SLIT3: variants seen among roughly 807,000 people sequenced by gnomAD.
SLIT3 encodes the protein slit guidance ligand 3, also known as slit homolog 3 protein.
SLIT3 carries 68 observed loss-of-function variants against 184.0 expected under a neutral mutation model. That is an observed-to-expected ratio of 0.37 (90% confidence interval 0.30 to 0.45). The LOEUF (loss-of-function observed/expected upper bound fraction) is 0.45, where lower values mean the gene tolerates loss of function less well. Ranked by LOEUF, SLIT3 falls within the 20% of genes least tolerant of loss-of-function variation. The probability of loss-of-function intolerance (pLI) is 1.00; values close to 1 mark genes in which losing one functional copy is unlikely to be tolerated. For missense variants in SLIT3, 1,707 were observed against 2,026.0 expected (o/e 0.84, Z 3.02); for synonymous variants, 831 against 828.6 (o/e 1.00, Z -0.05).
chr5:168,789,765 A>G, intron 10 of SLIT3, 134 bp from the exon 11 acceptor site: 2 of 681,850 alleles, frequency 2.9e-6, no homozygotes, highest in Non-Finnish European at 5.2e-6. Context: ...TCATTTACTC[A>G]TAGTGCAAGA....
intron 1 of SLIT3, among the ~76,000 whole-genome samples, chr5:169,272,713 G>T (rs1387527615): frequency 6.6e-6 from 1 of 152,182 alleles, no homozygotes; most frequent in Non-Finnish European, 1.5e-5. Flanking sequence ...GATCCTGCAG[G>T]TCTACTGAAG....
At chr5:168,996,038 G>A (rs1328963961) in intron 4 of SLIT3, among the ~76,000 whole-genome samples, 1 of 152,184 alleles carries the variant, frequency 6.6e-6, no homozygotes, top group East Asian at 1.9e-4. Flanking sequence ...CTGACACTGA[G>A]ATCAATGATA....
At chr5:168,941,604 G>C (rs1285210851) in intron 4 of SLIT3, among the ~76,000 whole-genome samples, 3 of 152,270 alleles carry the variant, frequency 2.0e-5, no homozygotes, top group South Asian at 2.1e-4. Context: ...TTCCCAAGTG[G>C]AGAAATGGAA....
At chr5:168,675,906 C>A (rs1257313317) in intron 32 of SLIT3, among the ~76,000 whole-genome samples, 1 of 152,178 alleles carries the variant, frequency 6.6e-6, no homozygotes, top group African/African-American at 2.4e-5. Flanking sequence ...TCTCCTCCCA[C>A]TCATTCATCC....
intron 27 of SLIT3, among the ~76,000 whole-genome samples, chr5:168,697,640 AG>A (rs1302332234): frequency 6.6e-6 from 1 of 152,212 alleles, no homozygotes; most frequent in Non-Finnish European, 1.5e-5. Flanking sequence ...AGTGAATTTC[AG>A]TGGTCCTAGA....
chr5:168,943,133 G>T (rs530432538), intron 4 of SLIT3, among the ~76,000 whole-genome samples: 1 of 152,222 alleles, frequency 6.6e-6, no homozygotes, highest in Admixed American at 6.5e-5. Context: ...CATGTCCCAG[G>T]ATCCTAAAAG....
rs1012314720 is a variant in SLIT3 at position 168,785,845 on chromosome 5, T to C, written c.1151+62A>G. 3.2e-6 allele frequency: 4 copies of C among 1,247,498 alleles called. No individual in the cohort carries two copies. In the African/African-American group the frequency reaches 4.4e-5, roughly 14 times the overall value. 77.3% of individuals were successfully genotyped at this position (1,247,498 alleles called of 1,614,324 possible). ...GAACTCTCCAGAGCATGGCTCAACG[T>C]TTTCAGGTGGGAGCCTTCCGACAGT... On this transcript the variant is annotated intron_variant, in intron 12 of 35. Coordinates refer to ENST00000519560, the MANE Select transcript of SLIT3 (RefSeq NM_003062.4).
chr5:169,199,483 T>C (rs1377201552), intron 3 of SLIT3, among the ~76,000 whole-genome samples: 1 of 152,204 alleles, frequency 6.6e-6, no homozygotes, highest in Non-Finnish European at 1.5e-5. Context: ...TCAGGATTTC[T>C]GCAATGCTGA....
intron 3 of SLIT3, among the ~76,000 whole-genome samples, chr5:169,224,175 A>C (rs1764714519): frequency 6.6e-6 from 1 of 152,136 alleles, no homozygotes; most frequent in Non-Finnish European, 1.5e-5. Context: ...GAATGGGATG[A>C]TAATATGCAC....
chr5:169,251,059 T>C (rs995627737), intron 2 of SLIT3, among the ~76,000 whole-genome samples: 4 of 152,084 alleles, frequency 2.6e-5, no homozygotes, highest in Non-Finnish European at 4.4e-5. Flanking sequence ...GAAGAAATTA[T>C]CATCTCTATG....
At chr5:168,948,284 G>T (rs1038303710) in intron 4 of SLIT3, among the ~76,000 whole-genome samples, 3 of 152,172 alleles carry the variant, frequency 2.0e-5, no homozygotes, top group Non-Finnish European at 2.9e-5. Context: ...CAACAGAAGG[G>T]CAACAGAAGC....
At chr5:168,891,360 G>A (rs931073079) in intron 4 of SLIT3, among the ~76,000 whole-genome samples, 2 of 152,118 alleles carry the variant, frequency 1.3e-5, no homozygotes, top group African/African-American at 2.4e-5. Flanking sequence ...GACCTAGAAG[G>A]GTAAGAGTCC....
chr5:169,015,965 C>T (rs1021789966), intron 4 of SLIT3, among the ~76,000 whole-genome samples: 6 of 139,784 alleles, frequency 4.3e-5, no homozygotes, highest in Non-Finnish European at 6.2e-5. Context: ...CACACACACA[C>T]ACACACACAC....
chr5:169,097,177 T>G (rs1030569022), intron 4 of SLIT3, among the ~76,000 whole-genome samples: 8 of 152,238 alleles, frequency 5.3e-5, no homozygotes, highest in Admixed American at 2.0e-4. Context: ...CATTACCATT[T>G]GCTGTCTCTA....
intron 4 of SLIT3, among the ~76,000 whole-genome samples, chr5:169,050,709 C>A (rs896631807): frequency 4.0e-5 from 6 of 151,244 alleles, no homozygotes; most frequent in Non-Finnish European, 8.8e-5. Flanking sequence ...TTTTTGGCGA[C>A]CATATAACAC....
At chr5:169,162,612 C>A (rs936894147) in intron 4 of SLIT3, among the ~76,000 whole-genome samples, 3 of 152,182 alleles carry the variant, frequency 2.0e-5, no homozygotes, top group African/African-American at 7.2e-5. Flanking sequence ...CAGCACTGAC[C>A]ACACCATGAG....
intron 8 of SLIT3, among the ~76,000 whole-genome samples, chr5:168,808,782 T>C (rs538938880): frequency 2.6e-5 from 4 of 152,264 alleles, no homozygotes; most frequent in South Asian, 2.1e-4. Flanking sequence ...TGTGAAAGGC[T>C]CCCATCCCAT....
intron 4 of SLIT3, among the ~76,000 whole-genome samples, chr5:169,121,988 G>T (rs1255860428): frequency 6.6e-6 from 1 of 152,212 alleles, no homozygotes; most frequent in Non-Finnish European, 1.5e-5. Flanking sequence ...CACTCACTCG[G>T]TTTACCAAAT....
intron 20 of SLIT3, among the ~76,000 whole-genome samples, chr5:168,740,433 T>C (rs980455192): frequency 1.1e-4 from 17 of 152,232 alleles, no homozygotes; most frequent in Non-Finnish European, 8.8e-5. Context: ...AACTTTGTTT[T>C]TGTTTTTTCT....
Sources: allele counts gnomAD v4.1 joint callset (sites outside exome capture counted in the v4.1 genomes callset), GRCh38; gene constraint gnomAD v4.1.1; transcripts MANE v1.5; gene names NCBI Gene and HGNC (gene_info 2026-07-23, HGNC 2026-07-21).